Variants in MROH2B observed in about 807,000 individuals in gnomAD.
MROH2B encodes maestro heat-like repeat-containing protein family member 2B.
Under a neutral mutation model 208.6 loss-of-function variants are expected in MROH2B, and 177 were observed. The ratio of observed to expected loss-of-function variants is 0.85; its 90% CI spans 0.75 to 0.96. MROH2B has a LOEUF of 0.96. Among genes scored for constraint, MROH2B ranks in the 40% least tolerant of loss-of-function variants. The pLI is 0.00. For synonymous variants in MROH2B, 728 were observed against 659.0 expected, an observed-to-expected ratio of 1.10 and a Z score of -1.60; for missense variants, 2,002 against 1,878.7, an observed-to-expected ratio of 1.07 and a Z score of -1.21.
chr5:41,070,442 C>T (rs548506194), intron 1 of MROH2B, among the ~76,000 whole-genome samples: 1 of 152,270 alleles, frequency 6.6e-6, no homozygotes, highest in Admixed American at 6.5e-5. Flanking sequence ...AACCTCCACA[C>T]CAAACAACAT....
rs758302074 is a variant in MROH2B, at chr5:41,061,643, C to G, written c.542G>C (p.Arg181Pro). 24 of 1,613,770 alleles carry G rather than the reference C, an allele frequency of 1.5e-5. No individual in the cohort carries two copies. The highest frequency in any genetic ancestry group is 3.3e-4 in the Middle Eastern group (2 of 6,084). ...DFPYPRLDAN[R>P]LSDKIFMLFW... The stretch of plus-strand genomic sequence containing the variant: ...CAGCATGAAGATCTTGTCAGACAGT[C>G]GGTTGGCATCCAGTCTGGGGTAGGG... Residue 181 changes from arginine to proline, a missense_variant, in exon 6 of 42, where the codon CGA (arginine) becomes CCA (proline). Coordinates refer to ENST00000399564, the MANE Select transcript of MROH2B (RefSeq NM_173489.5).
chr5:41,031,802 T>G lies in MROH2B; in HGVS notation c.2441+940A>C, dbSNP rs145985478. Among the ~76,000 whole-genome samples, 219 of 152,230 alleles carry G rather than the reference T, an allele frequency of 1.4e-3. 6 individuals are homozygous for G. In the East Asian group the frequency reaches 0.038, roughly 26 times the overall value. ...CTTATTTGTGTCCATGTCTACTCAG[T>G]ATTTAGCTCTCACTTATAAAATTAG... On this transcript the variant is annotated intron_variant, in intron 24 of 41. Transcript: ENST00000399564.
At chr5:41,011,917 C>T in intron 30 of MROH2B, among the ~76,000 whole-genome samples, 1 of 152,208 alleles carries the variant, frequency 6.6e-6, no homozygotes, top group East Asian at 1.9e-4. Flanking sequence ...ATCCACCTGC[C>T]TTGGCCTCCC....
At position 41,065,453 on chromosome 5, in the gene MROH2B, A is replaced by G; in HGVS notation, c.239T>C (p.Leu80Ser). The G allele has an allele frequency of 6.2e-7, 1 of 1,613,468 alleles. No homozygotes were observed. The highest frequency in any genetic ancestry group is 2.2e-5 in the East Asian group (1 of 44,884). Residue 80 changes from leucine (L) to serine (S), a missense_variant, in exon 4 of 42, where the codon TTG (leucine) becomes TCG (serine). Coordinates refer to ENST00000399564, the MANE Select transcript of MROH2B (RefSeq NM_173489.5). ...GAAATCATGTGCAGCAAGAGACACC[A>G]AAACCTCACCAGCTAGCATTCTGAT... is the stretch of plus-strand genomic sequence containing the variant. ...REIRMLAGEVLVSLAAHDFNS... is the reference protein window; with the variant it reads ...REIRMLAGEVSVSLAAHDFNS...
At chr5:41,063,458 G>T (rs1463244630) in intron 5 of MROH2B, among the ~76,000 whole-genome samples, 1 of 152,176 alleles carries the variant, frequency 6.6e-6, no homozygotes, top group East Asian at 1.9e-4. Flanking sequence ...TCATGTGGTT[G>T]CTGTGAGAGT....
At chr5:41,006,573 A>G (rs893456319) in intron 34 of MROH2B, among the ~76,000 whole-genome samples, 2 of 152,266 alleles carry the variant, frequency 1.3e-5, no homozygotes, top group African/African-American at 4.8e-5. Flanking sequence ...TTGCAAAAAT[A>G]TAAAACCAGC....
At chr5:41,038,521 A>G (rs1742836417) in intron 21 of MROH2B, among the ~76,000 whole-genome samples, 1 of 152,178 alleles carries the variant, frequency 6.6e-6, no homozygotes, top group Admixed American at 6.6e-5. Context: ...TTTGAGCCTG[A>G]AGGATGCAGC....
rs373000892 is a variant in MROH2B, at chr5:41,033,034, C to T, written c.2361+7G>A. ...GGGCCTTTCTTATTCCCTCTCTGCA[C>T]ACTCACCAGCATGTAACCAATCAGC... On this transcript the variant is annotated splice_region_variant and intron_variant, in intron 23 of 41. Transcript: ENST00000399564. The T allele has an allele frequency of 5.8e-5, 93 of 1,612,670 alleles. No individual in the cohort carries two copies. Among genetic ancestry groups the T allele is most frequent in the Non-Finnish European group, 6.1e-5 (72 of 1,179,156 alleles).
intron 24 of MROH2B, among the ~76,000 whole-genome samples, chr5:41,028,445 C>G (rs921036991): frequency 3.3e-5 from 5 of 152,130 alleles, no homozygotes; most frequent in Admixed American, 1.3e-4. Context: ...TATCTTTTGA[C>G]TTACATCTTC....
intron 13 of MROH2B, 94 bp downstream of exon 13, chr5:41,050,883 A>C (rs1206699820): frequency 1.2e-6 from 1 of 814,560 alleles, no homozygotes; most frequent in Non-Finnish European, 1.9e-6. Flanking sequence ...AGCTGATGAC[A>C]AATGGAGAAC....
chr5:41,044,722 T>C (rs1487143707), intron 18 of MROH2B, among the ~76,000 whole-genome samples: 2 of 152,184 alleles, frequency 1.3e-5, no homozygotes, highest in East Asian at 1.9e-4. Context: ...GAGGAGAATT[T>C]TGAAAATTAC....
rs377433192 is a variant in MROH2B at position 41,058,349 on chromosome 5, TA to T, written c.616-147del. ...AATTCTTTAAATTCTTTAAAATCTT[TA>T]AAAAATGTTCAGGTTAAGATCATTG... On this transcript the variant is annotated intron_variant, in intron 6 of 41. Transcript: ENST00000399564. The T allele has an allele frequency of 2.1e-5, 17 of 814,502 alleles. No homozygotes were observed. The African/African-American group carries it at 2.5e-4, about 12-fold the overall frequency. The allele number at this position is 814,502 out of a possible 1,614,324, so 50.5% of individuals were successfully genotyped here.
intron 21 of MROH2B, among the ~76,000 whole-genome samples, chr5:41,036,978 C>T (rs1218712810): frequency 6.6e-6 from 1 of 152,090 alleles, no homozygotes; most frequent in South Asian, 2.1e-4. Flanking sequence ...GCAGAACTAA[C>T]TGTACCCTGA....
At chr5:41,065,587 A>G in intron 3 of MROH2B, 97 bp from the exon 4 acceptor site, 1 of 956,628 alleles carries the variant, frequency 1.0e-6, no homozygotes. Context: ...ATATGCATTT[A>G]TTTATTTTTA....
At chr5:40,998,711 AT>A in intron 40 of MROH2B, 34 bp from the exon 41 acceptor site, 1 of 1,529,648 alleles carries the variant, frequency 6.5e-7, no homozygotes, top group Non-Finnish European at 8.9e-7. Context: ...TACTGATTTC[AT>A]TATAGAGGAA....
intron 24 of MROH2B, among the ~76,000 whole-genome samples, chr5:41,025,809 C>G (rs959228361): frequency 6.6e-6 from 1 of 152,162 alleles, no homozygotes; most frequent in Non-Finnish European, 1.5e-5. Flanking sequence ...CAAACTGAAT[C>G]CAGCAGCACA....
In MROH2B at chr5:40,999,739, T is replaced by A. The variant is rs1561270071; in HGVS notation, c.4523A>T (p.His1508Leu). The change falls in exon 40 of 42, where the codon CAC (histidine) becomes CTC (leucine). Residue 1508 changes from histidine to leucine, a missense_variant. His to Leu is a moderately conservative substitution (Grantham distance 99, BLOSUM62 -3). Coordinates refer to ENST00000399564, the MANE Select transcript of MROH2B (RefSeq NM_173489.5). ...GGTGCTGGTGAAGAAGGTGAAGGAGTGTGTGTGGAGGATCCACAGAATTTC... is the reference window on the plus strand; with the variant it reads ...GGTGCTGGTGAAGAAGGTGAAGGAGAGTGTGTGGAGGATCCACAGAATTTC... ...NQEILWILHTHSFTFFTSTWE... is the reference protein window; with the variant it reads ...NQEILWILHTLSFTFFTSTWE... 3 of 1,612,914 alleles carry A rather than the reference T, an allele frequency of 1.9e-6. No individual in the cohort carries two copies. Among genetic ancestry groups the A allele is most frequent in the Non-Finnish European group, 2.5e-6 (3 of 1,179,336 alleles).
intron 19 of MROH2B, among the ~76,000 whole-genome samples, chr5:41,040,729 C>T (rs747243403): frequency 1.3e-5 from 2 of 152,050 alleles, no homozygotes; most frequent in African/African-American, 4.8e-5. Context: ...TGCAATGGTG[C>T]GATCTCGGCT....
chr5:41,004,231 G>T, intron 37 of MROH2B, 115 bp downstream of exon 37: 1 of 1,221,024 alleles, frequency 8.2e-7, no homozygotes, highest in Non-Finnish European at 1.1e-6. Flanking sequence ...TGACCTGTCT[G>T]GGGCAGGCCA....
Sources: allele counts gnomAD v4.1 joint callset (sites outside exome capture counted in the v4.1 genomes callset), GRCh38; gene constraint gnomAD v4.1.1; transcripts MANE v1.5; gene names NCBI Gene and HGNC (gene_info 2026-07-23, HGNC 2026-07-21).